The following PXDNL variants were observed in gnomAD, a reference collection of about 807,000 sequenced individuals.
PXDNL encodes the protein probable oxidoreductase PXDNL.
In PXDNL, 145 loss-of-function variants were observed where a neutral mutation model predicts 150.8. The observed-to-expected ratio is 0.96, with a 90% CI of 0.84 to 1.10. PXDNL has a LOEUF of 1.10. Among genes scored for constraint, PXDNL ranks in the 50% least tolerant of loss-of-function variants. The pLI, the probability that PXDNL is intolerant of heterozygous loss-of-function variation, is 0.00. For synonymous variants in PXDNL, 757 were observed against 725.7 expected (o/e 1.04, Z -0.69); for missense variants, 2,087 against 1,873.9 (o/e 1.11, Z -2.10).
intron 4 of PXDNL, among the ~76,000 whole-genome samples, chr8:51,509,741 T>TAC (rs61492447): frequency 0.011 from 1,543 of 143,282 alleles, 21 homozygotes; most frequent in South Asian, 0.08. Flanking sequence ...TATACATATA[T>TAC]ACACACACAC....
intron 21 of PXDNL, among the ~76,000 whole-genome samples, chr8:51,333,803 C>T (rs1363267302): frequency 6.6e-6 from 1 of 152,128 alleles, no homozygotes; most frequent in African/African-American, 2.4e-5. Context: ...AACACTGGAG[C>T]TCCCAAATTT....
chr8:51,748,566 T>C (rs1352826741), intron 1 of PXDNL, among the ~76,000 whole-genome samples: 1 of 152,164 alleles, frequency 6.6e-6, no homozygotes, highest in Non-Finnish European at 1.5e-5. Context: ...AGGTTCACTG[T>C]CCTGGATTAG....
chr8:51,535,545 T>G (rs1176396159), intron 4 of PXDNL, among the ~76,000 whole-genome samples: 1 of 127,036 alleles, frequency 7.9e-6, no homozygotes, highest in East Asian at 2.2e-4. Flanking sequence ...TCATCACCAC[T>G]CCCTAATCTT....
intron 4 of PXDNL, among the ~76,000 whole-genome samples, chr8:51,547,058 T>C (rs78085554): frequency 0.045 from 6,838 of 152,234 alleles, 302 homozygotes; most frequent in East Asian, 0.24. Flanking sequence ...TGGTTTTCTC[T>C]ACCTGCCCTT....
chr8:51,595,338 C>A (rs997253964), intron 2 of PXDNL, among the ~76,000 whole-genome samples: 1 of 151,418 alleles, frequency 6.6e-6, no homozygotes, highest in African/African-American at 2.4e-5. Context: ...AAGATTAAGG[C>A]TATTTGCATA....
At chr8:51,354,561 G>A (rs927121973) in intron 19 of PXDNL, among the ~76,000 whole-genome samples, 3 of 152,052 alleles carry the variant, frequency 2.0e-5, no homozygotes, top group African/African-American at 7.2e-5. Context: ...GCTAAAGACA[G>A]TTCTCATGTT....
At chr8:51,659,680 A>G (rs1815226788) in intron 1 of PXDNL, among the ~76,000 whole-genome samples, 1 of 152,106 alleles carries the variant, frequency 6.6e-6, no homozygotes, top group African/African-American at 2.4e-5. Context: ...GTTACACCAC[A>G]TGGATGTGCA....
At chr8:51,630,292 G>C (rs1585632553) in intron 2 of PXDNL, among the ~76,000 whole-genome samples, 1 of 152,168 alleles carries the variant, frequency 6.6e-6, no homozygotes, top group East Asian at 1.9e-4. Context: ...ATTCAAGATG[G>C]ATTGAACACT....
chr8:51,674,912 G>A (rs1815578020), intron 1 of PXDNL, among the ~76,000 whole-genome samples: 1 of 152,208 alleles, frequency 6.6e-6, no homozygotes, highest in African/African-American at 2.4e-5. Context: ...TTTGTTAGAT[G>A]TGGACAAATT....
intron 1 of PXDNL, among the ~76,000 whole-genome samples, chr8:51,756,575 T>G (rs1393170413): frequency 6.6e-6 from 1 of 152,170 alleles, no homozygotes; most frequent in East Asian, 1.9e-4. Context: ...GTTTTGGAAT[T>G]ATTTGTACAG....
chr8:51,694,070 G>A (rs999351722), intron 1 of PXDNL, among the ~76,000 whole-genome samples: 4 of 152,208 alleles, frequency 2.6e-5, no homozygotes, highest in African/African-American at 9.6e-5. Context: ...ACCAATGGGA[G>A]GCAACATGTG....
intron 1 of PXDNL, among the ~76,000 whole-genome samples, chr8:51,705,827 G>A (rs1412046475): frequency 1.7e-5 from 1 of 57,394 alleles, no homozygotes; most frequent in Non-Finnish European, 3.3e-5. Context: ...GTGTGTGTGT[G>A]TGTGTGCGCG....
chr8:51,806,129 T>C (rs2037672737), intron 1 of PXDNL, among the ~76,000 whole-genome samples: 1 of 152,226 alleles, frequency 6.6e-6, no homozygotes, highest in Non-Finnish European at 1.5e-5. Context: ...TTTGCATTTT[T>C]CTAAACTTAA....
At chr8:51,636,099 A>C (rs1351564876) in intron 2 of PXDNL, among the ~76,000 whole-genome samples, 1 of 152,160 alleles carries the variant, frequency 6.6e-6, no homozygotes, top group Admixed American at 6.6e-5. Flanking sequence ...ATGGAGGAGA[A>C]AACACAATCC....
At chr8:51,470,082 C>T (rs1307110622) in intron 8 of PXDNL, among the ~76,000 whole-genome samples, 2 of 151,902 alleles carry the variant, frequency 1.3e-5, no homozygotes, top group Non-Finnish European at 1.5e-5. Context: ...TCTTTGTAAC[C>T]TTGAACACAC....
At chr8:51,526,019 C>T (rs1285498359) in intron 4 of PXDNL, among the ~76,000 whole-genome samples, 1 of 152,152 alleles carries the variant, frequency 6.6e-6, no homozygotes, top group East Asian at 1.9e-4. Flanking sequence ...AGAAATTTTT[C>T]CATCTGAAAT....
chr8:51,377,687 G>C (rs1346740884), intron 17 of PXDNL, among the ~76,000 whole-genome samples: 1 of 152,214 alleles, frequency 6.6e-6, no homozygotes. Flanking sequence ...GGTGCACCGG[G>C]TCCCCCAGCA....
chr8:51,321,130 C>A, intron 21 of PXDNL: 1 of 397,758 alleles, frequency 2.5e-6, no homozygotes. Context: ...TGAACATGGA[C>A]CTAGAGTATG....
chr8:51,763,107 T>A (rs1462955581), intron 1 of PXDNL, among the ~76,000 whole-genome samples: 1 of 152,176 alleles, frequency 6.6e-6, no homozygotes, highest in Admixed American at 6.5e-5. Context: ...TTATCCCTTA[T>A]ACCCAGCCCC....
Sources: gnomAD v4.1 joint callset for allele counts (sites outside exome capture counted in the v4.1 genomes callset) on GRCh38, gnomAD v4.1.1 for gene constraint, MANE v1.5 for transcripts, NCBI Gene and HGNC (gene_info 2026-07-23, HGNC 2026-07-21) for gene names.